GPHN: variants seen among roughly 807,000 people sequenced by gnomAD.
GPHN encodes gephyrin.
A neutral mutation model predicts 95.5 loss-of-function variants in GPHN; 17 were observed. The observed-to-expected ratio is 0.18, with a 90% CI of 0.12 to 0.27. GPHN has a LOEUF of 0.27. Ranked by LOEUF, GPHN falls within the 10% of genes least tolerant of loss-of-function variation. The pLI is 1.00. For synonymous variants in GPHN, 320 were observed against 322.5 expected, an observed-to-expected ratio of 0.99 and a Z score of 0.08; for missense variants, 660 against 978.1, an observed-to-expected ratio of 0.67 and a Z score of 4.34.
the GPHN span, chr14:67,725,908 G>A: frequency 2.7e-6 from 2 of 727,652 alleles, no homozygotes; most frequent in Non-Finnish European, 2.5e-6. Flanking sequence ...TAAAAGGAAG[G>A]GGCAGAGCAA....
At chr14:67,676,530 G>A in the GPHN span, among the ~76,000 whole-genome samples, 21 of 152,158 alleles carry the variant, frequency 1.4e-4, no homozygotes, top group South Asian at 4.2e-4. Flanking sequence ...CAGAGTTTGA[G>A]GCCAGCCTGG....
In GPHN at chr14:66,681,151, A is replaced by T. The variant is rs1311202905; in HGVS notation, c.109A>T (p.Ile37Leu). 6.3e-7 allele frequency: 1 copy of T among 1,599,812 alleles called. No individual in the cohort carries two copies. Among genetic ancestry groups the T allele is most frequent in the Non-Finnish European group, 8.6e-7 (1 of 1,168,148 alleles). The change falls in exon 2 of 23, where the codon ATA (isoleucine) becomes TTA (leucine). Residue 37 changes from isoleucine to leucine, a missense_variant. This residue lies in a region of GPHN where 92 missense variants were observed against 91.9 expected (regional missense o/e 1.00). Transcript: ENST00000478722. ...GAATCTTGCAGAAGACCGCAGTGGG[A>T]TAAATCTCAAAGATCTCGTACAAGA... The part of the protein sequence containing the change: ...FRNLAEDRSG[I>L]NLKDLVQDPS...
intron 1 of GPHN, among the ~76,000 whole-genome samples, chr14:66,571,077 C>T (rs904897885): frequency 2.0e-5 from 3 of 152,120 alleles, no homozygotes; most frequent in Non-Finnish European, 4.4e-5. Flanking sequence ...ATACCCAAGA[C>T]TAGGTAATTT....
chr14:66,997,447 C>T (rs970540715), intron 9 of GPHN, among the ~76,000 whole-genome samples: 1 of 150,124 alleles, frequency 6.7e-6, no homozygotes, highest in Non-Finnish European at 1.5e-5. Context: ...ATAATTTCTA[C>T]ATGTATTTAC....
chr14:67,255,979 CTG>C, the GPHN span, among the ~76,000 whole-genome samples: 1 of 152,222 alleles, frequency 6.6e-6, no homozygotes, highest in Admixed American at 6.5e-5. Context: ...TTGTGAGCCT[CTG>C]TGCTCAACCA....
At chr14:66,611,355 T>G (rs1484157159) in intron 1 of GPHN, among the ~76,000 whole-genome samples, 1 of 152,128 alleles carries the variant, frequency 6.6e-6, no homozygotes, top group African/African-American at 2.4e-5. Context: ...AGAAATTTAT[T>G]AGATAAGATA....
the GPHN span, among the ~76,000 whole-genome samples, chr14:67,253,227 T>C: frequency 9.8e-5 from 15 of 152,354 alleles, no homozygotes; most frequent in Admixed American, 2.6e-4. Flanking sequence ...AGATGGTACA[T>C]CAAGAATGGT....
At chr14:67,724,144 T>C in the GPHN span, among the ~76,000 whole-genome samples, 1 of 152,244 alleles carries the variant, frequency 6.6e-6, no homozygotes, top group Non-Finnish European at 1.5e-5. Flanking sequence ...AGCTTTCCTC[T>C]GGAACCTCTA....
chr14:67,392,635 G>C, the GPHN span: 1 of 1,589,944 alleles, frequency 6.3e-7, no homozygotes, highest in East Asian at 2.2e-5. Context: ...TGCCCTGGTG[G>C]CAAGAAGAAC....
intron 8 of GPHN, among the ~76,000 whole-genome samples, chr14:66,931,240 G>A (rs1171124294): frequency 6.6e-6 from 1 of 151,972 alleles, no homozygotes; most frequent in African/African-American, 2.4e-5. Context: ...TCCTTTATAT[G>A]TTATCTGTTA....
At chr14:67,098,465 G>GA (rs1555489937) in intron 12 of GPHN, among the ~76,000 whole-genome samples, 1 of 151,968 alleles carries the variant, frequency 6.6e-6, no homozygotes, top group Non-Finnish European at 1.5e-5. Flanking sequence ...TCAGATTCAG[G>GA]TTTTTTTACT....
At chr14:66,812,088 A>G (rs2060786854) in intron 3 of GPHN, among the ~76,000 whole-genome samples, 2 of 152,336 alleles carry the variant, frequency 1.3e-5, no homozygotes, top group South Asian at 4.1e-4. Flanking sequence ...AACTATAGCT[A>G]CATTAAAGTA....
chr14:66,555,793 T>C (rs939473930), intron 1 of GPHN, among the ~76,000 whole-genome samples: 9 of 152,086 alleles, frequency 5.9e-5, no homozygotes, highest in Non-Finnish European at 8.8e-5. Flanking sequence ...TTTGAGACTT[T>C]AAAAAAACCC....
chr14:66,837,171 A>G (rs2061863290), intron 4 of GPHN, among the ~76,000 whole-genome samples: 1 of 151,608 alleles, frequency 6.6e-6, no homozygotes, highest in Non-Finnish European at 1.5e-5. Context: ...ATTATTCACA[A>G]TAGCAAAGAC....
chr14:67,511,392 G>C, the GPHN span, among the ~76,000 whole-genome samples: 1 of 152,074 alleles, frequency 6.6e-6, no homozygotes, highest in Admixed American at 6.6e-5. Context: ...CTAGAAGATG[G>C]AGCAGCCGGA....
chr14:67,648,281 C>T, the GPHN span: 1 of 1,400,048 alleles, frequency 7.1e-7, no homozygotes, highest in Non-Finnish European at 9.6e-7. Flanking sequence ...CACATCATTG[C>T]AGAGTTTGTT....
rs1010678123 is a variant in GPHN, at chr14:67,148,552, T to G, written c.1836+5103T>G. Among the ~76,000 whole-genome samples, 3 of 147,872 alleles carry G rather than the reference T, an allele frequency of 2.0e-5. No individual in the cohort carries two copies. In the East Asian group the frequency reaches 6.0e-4, roughly 30 times the overall value. Reference sequence around the variant, plus strand: ...TATTTTCATAATAATTTTAAGACTTTATTTGCTTTTTTTTTTTTTTTTTTT... The same window carrying G: ...TATTTTCATAATAATTTTAAGACTTGATTTGCTTTTTTTTTTTTTTTTTTT... On this transcript the variant is annotated intron_variant, in intron 18 of 22. Coordinates refer to ENST00000478722, the MANE Select transcript of GPHN (RefSeq NM_020806.5).
At chr14:67,518,814 G>A in the GPHN span, among the ~76,000 whole-genome samples, 3 of 152,192 alleles carry the variant, frequency 2.0e-5, no homozygotes, top group Non-Finnish European at 1.5e-5. Context: ...GGAGAGATGT[G>A]GCTCAAGAGG....
the GPHN span, among the ~76,000 whole-genome samples, chr14:67,408,354 T>TAAAATA: frequency 5.0e-3 from 677 of 134,706 alleles, 17 homozygotes; most frequent in East Asian, 0.056. Context: ...TAAAATAAAA[T>TAAAATA]AAAAAAAGAA....
Sources: allele counts gnomAD v4.1 joint callset (sites outside exome capture counted in the v4.1 genomes callset), GRCh38; gene constraint gnomAD v4.1.1; regional missense constraint gnomAD v4.1.1; transcripts MANE v1.5; gene names NCBI Gene and HGNC (gene_info 2026-07-23, HGNC 2026-07-21).